PTPRD: variants seen among roughly 807,000 people sequenced by gnomAD.
The protein encoded by PTPRD is protein tyrosine phosphatase receptor type D, also known as receptor-type tyrosine-protein phosphatase delta.
A neutral mutation model predicts 214.5 loss-of-function variants in PTPRD; 34 were observed. The ratio of observed to expected loss-of-function variants is 0.16; its 90% CI spans 0.12 to 0.21. The LOEUF is 0.21. Ranked by LOEUF, PTPRD falls within the 10% of genes least tolerant of loss-of-function variation. The probability of loss-of-function intolerance (pLI) is 1.00; values close to 1 mark genes in which losing one functional copy is unlikely to be tolerated. For missense variants in PTPRD, 2,545 were observed against 2,398.7 expected, an observed-to-expected ratio of 1.06 and a Z score of -1.27; for synonymous variants, 1,128 against 845.7, an observed-to-expected ratio of 1.33 and a Z score of -5.79.
At chr9:9,918,196 G>A (rs1294987869) in intron 5 of PTPRD, among the ~76,000 whole-genome samples, 1 of 151,736 alleles carries the variant, frequency 6.6e-6, no homozygotes, top group Non-Finnish European at 1.5e-5. Flanking sequence ...AATAAATTCA[G>A]CAAGGTTGCA....
chr9:8,805,656 G>A (rs889207538), intron 11 of PTPRD, among the ~76,000 whole-genome samples: 1 of 151,340 alleles, frequency 6.6e-6, no homozygotes, highest in Non-Finnish European at 1.5e-5. Flanking sequence ...AGGCTGGAGT[G>A]CAATGGCACA....
intron 12 of PTPRD, among the ~76,000 whole-genome samples, chr9:8,710,572 T>G (rs1268893576): frequency 2.0e-5 from 3 of 152,070 alleles, no homozygotes; most frequent in Non-Finnish European, 4.4e-5. Context: ...GCAGTGATTG[T>G]GCCACTGCAC....
chr9:10,250,916 T>G (rs948436691), intron 3 of PTPRD, among the ~76,000 whole-genome samples: 1 of 151,942 alleles, frequency 6.6e-6, no homozygotes, highest in Non-Finnish European at 1.5e-5. Context: ...TCCACATCTT[T>G]TCTAAAAAAT....
At chr9:8,930,362 T>C (rs1343874441) in intron 11 of PTPRD, among the ~76,000 whole-genome samples, 1 of 152,144 alleles carries the variant, frequency 6.6e-6, no homozygotes, top group African/African-American at 2.4e-5. Flanking sequence ...AGTCTATCAT[T>C]GTTGGACATC....
chr9:9,597,371 A>G (rs1320325167), intron 7 of PTPRD, among the ~76,000 whole-genome samples: 1 of 152,062 alleles, frequency 6.6e-6, no homozygotes, highest in Non-Finnish European at 1.5e-5. Context: ...TTAAATGACT[A>G]GCAAGTCATG....
chr9:9,399,357 C>A (rs1414331475), intron 8 of PTPRD, among the ~76,000 whole-genome samples: 2 of 151,970 alleles, frequency 1.3e-5, no homozygotes, highest in African/African-American at 2.4e-5. Context: ...TCATTCCAAT[C>A]CCCTCTGGTT....
intron 4 of PTPRD, among the ~76,000 whole-genome samples, chr9:9,972,787 A>G (rs2095184143): frequency 6.6e-6 from 1 of 152,036 alleles, no homozygotes; most frequent in Non-Finnish European, 1.5e-5. Context: ...CATCATTACT[A>G]GCTTTTGCTT....
chr9:9,707,580 C>G (rs928200876), intron 7 of PTPRD, among the ~76,000 whole-genome samples: 1 of 152,060 alleles, frequency 6.6e-6, no homozygotes, highest in African/African-American at 2.4e-5. Flanking sequence ...AGGATACCAT[C>G]TCTAAAATAA....
intron 4 of PTPRD, among the ~76,000 whole-genome samples, chr9:9,992,556 T>C (rs556442560): frequency 6.6e-6 from 1 of 152,160 alleles, no homozygotes; most frequent in African/African-American, 2.4e-5. Context: ...AACCCAAATG[T>C]CCATCAATGA....
At chr9:9,183,895 AT>A (rs775801949) in intron 9 of PTPRD, among the ~76,000 whole-genome samples, 4 of 152,052 alleles carry the variant, frequency 2.6e-5, no homozygotes, top group African/African-American at 7.2e-5. Context: ...CATTACATTT[AT>A]GTTTAAGAAT....
chr9:9,548,844 G>C (rs2079494010), intron 8 of PTPRD, among the ~76,000 whole-genome samples: 1 of 151,956 alleles, frequency 6.6e-6, no homozygotes, highest in South Asian at 2.1e-4. Flanking sequence ...TCCCTTAAAA[G>C]AAAACTTCAA....
intron 3 of PTPRD, among the ~76,000 whole-genome samples, chr9:10,192,385 C>T (rs1334823653): frequency 2.1e-5 from 3 of 143,202 alleles, no homozygotes; most frequent in African/African-American, 5.3e-5. Context: ...GTTCTGGAGG[C>T]CAGAACCCAA....
chr9:9,670,489 T>C, intron 7 of PTPRD, among the ~76,000 whole-genome samples: 1 of 152,196 alleles, frequency 6.6e-6, no homozygotes, highest in East Asian at 1.9e-4. Flanking sequence ...GAACCAAATG[T>C]TAATCCCCAA....
chr9:9,739,643 G>C (rs778420544), intron 6 of PTPRD, among the ~76,000 whole-genome samples: 9 of 151,360 alleles, frequency 5.9e-5, no homozygotes, highest in African/African-American at 1.7e-4. Flanking sequence ...AAAAAAGCCA[G>C]TTGTGGTTTT....
intron 9 of PTPRD, among the ~76,000 whole-genome samples, chr9:9,275,053 A>ATG: frequency 1.1e-5 from 1 of 88,104 alleles, no homozygotes; most frequent in Non-Finnish European, 2.1e-5. Context: ...CCATATATAT[A>ATG]TGTATATATA....
chr9:10,574,713 C>T (rs1923441), intron 2 of PTPRD, among the ~76,000 whole-genome samples: 123,337 of 151,030 alleles, frequency 0.82, 50,584 homozygotes, highest in East Asian at 0.94. Context: ...TCTATATTAA[C>T]TTATATCAAA....
chr9:10,545,514 CTTGT>C (rs938412059), intron 2 of PTPRD, among the ~76,000 whole-genome samples: 31 of 152,030 alleles, frequency 2.0e-4, no homozygotes, highest in Admixed American at 1.6e-3. Flanking sequence ...ATTTTAATCC[CTTGT>C]TTATTTATTG....
At chr9:9,870,972 ATAC>A (rs1193242317) in intron 5 of PTPRD, among the ~76,000 whole-genome samples, 1 of 152,174 alleles carries the variant, frequency 6.6e-6, no homozygotes, top group African/African-American at 2.4e-5. Context: ...AGACATATTA[ATAC>A]TAAACTGTTC....
chr9:8,827,687 C>A (rs1482728718), intron 11 of PTPRD, among the ~76,000 whole-genome samples: 1 of 152,122 alleles, frequency 6.6e-6, no homozygotes, highest in Non-Finnish European at 1.5e-5. Flanking sequence ...ATCAGCTCAT[C>A]ATTTATATTT....
Sources: allele counts gnomAD v4.1 joint callset (sites outside exome capture counted in the v4.1 genomes callset), GRCh38; gene constraint gnomAD v4.1.1; transcripts MANE v1.5; gene names NCBI Gene and HGNC (gene_info 2026-07-23, HGNC 2026-07-21).